Variants in GFRA1 observed in about 807,000 individuals in gnomAD.
GFRA1 encodes the protein GDNF family receptor alpha-1.
In GFRA1, 16 loss-of-function variants were observed where a neutral mutation model predicts 51.6. The observed-to-expected ratio is 0.31, with a 90% CI of 0.21 to 0.47. The LOEUF (loss-of-function observed/expected upper bound fraction) is 0.47, where lower values mean the gene tolerates loss of function less well. GFRA1 is among the 20% of genes least tolerant of loss of function. GFRA1 has a pLI of 1.00. For missense variants in GFRA1, 530 were observed against 594.3 expected (o/e 0.89, Z 1.13); for synonymous variants, 270 against 241.3 (o/e 1.12, Z -1.10).
rs541731610 is a variant in GFRA1 at position 116,235,952 on chromosome 10, A to G, written c.419-24307T>C. ...CCAAAACTATGAGAAATAATTTTCC[A>G]TTGTTTTAGCCACCCAGTTTATGGT... On this transcript the variant is annotated intron_variant, in intron 4 of 10. Coordinates refer to ENST00000355422, the MANE Select transcript of GFRA1 (RefSeq NM_005264.8). Among the ~76,000 whole-genome samples the G allele has an allele frequency of 3.9e-5, 6 of 152,256 alleles. No homozygotes were observed. In the South Asian group the frequency reaches 1.2e-3, roughly 32 times the overall value.
chr10:116,208,848 C>T (rs1012176309), intron 5 of GFRA1, among the ~76,000 whole-genome samples: 2 of 152,108 alleles, frequency 1.3e-5, no homozygotes, highest in Non-Finnish European at 1.5e-5. Flanking sequence ...ATTAAAGTAC[C>T]CTAAAACTCA....
intron 9 of GFRA1, among the ~76,000 whole-genome samples, chr10:116,078,513 G>A (rs531292987): frequency 6.6e-6 from 1 of 152,258 alleles, no homozygotes; most frequent in African/African-American, 2.4e-5. Context: ...AAGCTTCCAG[G>A]AGGGCCCAGA....
intron 8 of GFRA1, 49 bp downstream of exon 8, chr10:116,093,653 G>C: frequency 6.4e-7 from 1 of 1,563,034 alleles, no homozygotes; most frequent in Non-Finnish European, 8.8e-7. Context: ...CTGGAGCTCG[G>C]AGAAGAAAAT....
chr10:116,167,661 A>G (rs753998833), intron 5 of GFRA1, among the ~76,000 whole-genome samples: 7 of 152,064 alleles, frequency 4.6e-5, no homozygotes, highest in Non-Finnish European at 1.0e-4. Context: ...CGTGCAGAAC[A>G]GTCCAGAGAG....
intron 5 of GFRA1, among the ~76,000 whole-genome samples, chr10:116,162,769 T>C (rs992551500): frequency 4.2e-4 from 64 of 152,122 alleles, no homozygotes; most frequent in African/African-American, 1.5e-3. Flanking sequence ...AAGGGTGGGT[T>C]CTATGGTATG....
rs114802772 is a variant in GFRA1, at chr10:116,099,601, A to G, written c.771-2837T>C. Among the ~76,000 whole-genome samples the G allele has an allele frequency of 5.7e-3, 867 of 152,154 alleles. 11 individuals are homozygous for G. The highest frequency in any genetic ancestry group is 0.02 in the African/African-American group (815 of 41,510). The stretch of plus-strand genomic sequence containing the variant: ...AACATCTCCTTCTCCTACCATCACA[A>G]TCCTCTAACATCTCCTAAATTATGC... On this transcript the variant is annotated intron_variant, in intron 6 of 10. Coordinates refer to ENST00000355422, the MANE Select transcript of GFRA1 (RefSeq NM_005264.8).
chr10:116,147,435 C>T (rs1589824425), intron 5 of GFRA1, among the ~76,000 whole-genome samples: 2 of 152,160 alleles, frequency 1.3e-5, no homozygotes, highest in South Asian at 2.1e-4. Context: ...TAAAAACACG[C>T]ATGGTGATGA....
intron 5 of GFRA1, among the ~76,000 whole-genome samples, chr10:116,193,900 G>A (rs953965571): frequency 1.3e-4 from 19 of 151,930 alleles, no homozygotes; most frequent in African/African-American, 2.4e-4. Context: ...TTAGCTGGGC[G>A]TGGTGGAGGG....
intron 9 of GFRA1, among the ~76,000 whole-genome samples, chr10:116,080,664 C>A (rs1364994260): frequency 6.6e-6 from 1 of 152,090 alleles, no homozygotes; most frequent in Admixed American, 6.6e-5. Context: ...TTCTTGAGTG[C>A]CTGTTATTCA....
intron 9 of GFRA1, among the ~76,000 whole-genome samples, chr10:116,086,112 G>A (rs1956089301): frequency 6.6e-6 from 1 of 152,168 alleles, no homozygotes; most frequent in Admixed American, 6.5e-5. Context: ...TGGCTCAGTT[G>A]CTCCATTTGT....
chr10:116,264,674 G>A (rs557270441), intron 4 of GFRA1, among the ~76,000 whole-genome samples: 44 of 152,344 alleles, frequency 2.9e-4, no homozygotes, highest in Non-Finnish European at 5.9e-4. Context: ...GCAAGGCCAT[G>A]TGCAAAGGCA....
intron 5 of GFRA1, among the ~76,000 whole-genome samples, chr10:116,131,977 T>C (rs560720843): frequency 7.9e-4 from 112 of 141,820 alleles, no homozygotes; most frequent in African/African-American, 2.8e-3. Context: ...GAGGCTGACG[T>C]GGGAGGATTG....
In GFRA1 at chr10:116,120,754, C is replaced by T. The variant is rs142912364; in HGVS notation, c.770+4467G>A. 4.9e-3 allele frequency among the ~76,000 whole-genome samples: 740 copies of T among 152,326 alleles called. 6 individuals carry two copies. The highest frequency in any genetic ancestry group is 0.017 in the African/African-American group (702 of 41,576). On this transcript the variant is annotated intron_variant, in intron 6 of 10. Transcript: ENST00000355422. ...AGAGCAAAATGTCATGCTTTGGAAA[C>T]AATGGCTGCATAGGTGAGTATAAAC...
chr10:116,220,691 G>GTGT (rs1965862012), intron 4 of GFRA1, among the ~76,000 whole-genome samples: 1 of 152,172 alleles, frequency 6.6e-6, no homozygotes, highest in African/African-American at 2.4e-5. Context: ...CTTTGATGAT[G>GTGT]TAATACACTC....
chr10:116,161,647 A>T (rs550600909), intron 5 of GFRA1, among the ~76,000 whole-genome samples: 3 of 152,168 alleles, frequency 2.0e-5, no homozygotes, highest in Non-Finnish European at 2.9e-5. Context: ...ATGAGATATG[A>T]TGGTTTTTAT....
intron 5 of GFRA1, among the ~76,000 whole-genome samples, chr10:116,204,088 G>C (rs2134402993): frequency 6.6e-6 from 1 of 152,348 alleles, no homozygotes; most frequent in Non-Finnish European, 1.5e-5. Flanking sequence ...AAGGATCTGT[G>C]ACTCTGTCCC....
chr10:116,166,066 G>C (rs946217420), intron 5 of GFRA1, among the ~76,000 whole-genome samples: 2 of 152,166 alleles, frequency 1.3e-5, no homozygotes, highest in African/African-American at 4.8e-5. Flanking sequence ...TTCTGTTCCT[G>C]CATTAGTTTG....
chr10:116,209,259 A>G (rs2694768), intron 5 of GFRA1, among the ~76,000 whole-genome samples: 95,887 of 152,150 alleles, frequency 0.63, 32,091 homozygotes, highest in African/African-American at 0.87. Context: ...TTGATCTGTA[A>G]TGAAATATAA....
intron 9 of GFRA1, among the ~76,000 whole-genome samples, chr10:116,088,625 G>A (rs377652157): frequency 6.6e-6 from 1 of 152,248 alleles, no homozygotes; most frequent in East Asian, 1.9e-4. Context: ...AAGGGGTAAA[G>A]AATGTGAGGG....
Sources: allele counts gnomAD v4.1 joint callset (sites outside exome capture counted in the v4.1 genomes callset), GRCh38; gene constraint gnomAD v4.1.1; transcripts MANE v1.5; gene names NCBI Gene and HGNC (gene_info 2026-07-23, HGNC 2026-07-21).